The following ADGRV1 variants were observed in gnomAD, a reference collection of about 807,000 sequenced individuals.
ADGRV1 encodes the protein G-protein coupled receptor 98.
A neutral mutation model predicts 596.2 loss-of-function variants in ADGRV1; 359 were observed. The ratio of observed to expected loss-of-function variants is 0.60; its 90% CI spans 0.55 to 0.66. ADGRV1 has a LOEUF of 0.66. ADGRV1 is among the 30% of genes least tolerant of loss of function. ADGRV1 has a pLI of 0.00. For synonymous variants in ADGRV1, 2,681 were observed against 2,679.2 expected, an observed-to-expected ratio of 1.00 and a Z score of -0.02; for missense variants, 7,274 against 7,575.6, an observed-to-expected ratio of 0.96 and a Z score of 1.48.
chr5:90,929,780 T>G (rs1775037402), intron 83 of ADGRV1: 2 of 152,368 alleles, frequency 1.3e-5, no homozygotes, highest in Middle Eastern at 3.4e-3. Flanking sequence ...ATCATATTAG[T>G]TGGTACAGTA....
chr5:90,822,782 G>A (rs560122976), intron 75 of ADGRV1, among the ~76,000 whole-genome samples: 1 of 152,232 alleles, frequency 6.6e-6, no homozygotes, highest in South Asian at 2.1e-4. Flanking sequence ...TCTTCCACTT[G>A]TTTGTATCCT....
At chr5:91,061,976 G>A (rs188532233) in intron 85 of ADGRV1, among the ~76,000 whole-genome samples, 41 of 152,252 alleles carry the variant, frequency 2.7e-4, no homozygotes, top group African/African-American at 9.1e-4. Flanking sequence ...AAGTTGAAGG[G>A]GGGTGGGAGT....
chr5:90,666,979 C>T (rs563485650), intron 21 of ADGRV1, among the ~76,000 whole-genome samples: 15 of 152,180 alleles, frequency 9.9e-5, no homozygotes, highest in East Asian at 3.9e-4. Flanking sequence ...CCAAGAGATC[C>T]GTTGTTAGTC....
intron 85 of ADGRV1, among the ~76,000 whole-genome samples, chr5:91,024,003 A>ATTCT (rs1783837554): frequency 6.6e-6 from 1 of 152,130 alleles, no homozygotes; most frequent in East Asian, 1.9e-4. Context: ...AAACTTTTTA[A>ATTCT]AAGTAGTACT....
chr5:90,757,293 A>G (rs1755938196), intron 57 of ADGRV1, 132 bp downstream of exon 57: 1 of 642,754 alleles, frequency 1.6e-6, no homozygotes, highest in Non-Finnish European at 2.6e-6. Flanking sequence ...AAGTCAAACA[A>G]ATATTATTAA....
At chr5:90,982,215 T>A (rs552367075) in intron 84 of ADGRV1, among the ~76,000 whole-genome samples, 1 of 152,356 alleles carries the variant, frequency 6.6e-6, no homozygotes, top group South Asian at 2.1e-4. Flanking sequence ...AGAAGCTTGG[T>A]CATTGTTTTG....
At chr5:90,890,714 A>G (rs902005876) in intron 83 of ADGRV1, among the ~76,000 whole-genome samples, 1 of 152,198 alleles carries the variant, frequency 6.6e-6, no homozygotes, top group Non-Finnish European at 1.5e-5. Flanking sequence ...TTTCTGGGCC[A>G]CAGCATAAGG....
At chr5:90,827,656 G>A (rs1404177326) in intron 76 of ADGRV1, among the ~76,000 whole-genome samples, 2 of 152,068 alleles carry the variant, frequency 1.3e-5, no homozygotes. Flanking sequence ...TTAGTTTATT[G>A]TATTTGCCAA....
chr5:91,012,736 CTTTTA>C (rs975582042), intron 85 of ADGRV1, among the ~76,000 whole-genome samples: 21 of 151,896 alleles, frequency 1.4e-4, no homozygotes, highest in East Asian at 3.9e-4. Flanking sequence ...CCTTTTTAAA[CTTTTA>C]TTTTAGGTTC....
At chr5:91,048,069 C>A (rs1214514853) in intron 85 of ADGRV1, among the ~76,000 whole-genome samples, 1 of 151,950 alleles carries the variant, frequency 6.6e-6, no homozygotes, top group African/African-American at 2.4e-5. Flanking sequence ...TTTTCCCTGC[C>A]TCTTTACACT....
At chr5:90,776,311 T>G (rs1418965447) in intron 60 of ADGRV1, 142 bp from the exon 61 acceptor site, 11 of 793,038 alleles carry the variant, frequency 1.4e-5, no homozygotes, top group Non-Finnish European at 2.1e-5. Flanking sequence ...ATAGGTAAAA[T>G]GAGGATATTA....
chr5:91,158,960 C>T (rs531496990), intron 89 of ADGRV1, among the ~76,000 whole-genome samples: 2 of 152,180 alleles, frequency 1.3e-5, no homozygotes, highest in South Asian at 4.2e-4. Context: ...GATACTATCT[C>T]CTGTGCCCTT....
chr5:90,627,150 T>C (rs1296849127), intron 6 of ADGRV1, 61 bp from the exon 7 acceptor site: 2 of 873,160 alleles, frequency 2.3e-6, no homozygotes, highest in African/African-American at 3.4e-5. Context: ...TGTTACACTT[T>C]AGTTTATTTG....
At chr5:90,726,662 T>C (rs979405441) in intron 48 of ADGRV1, among the ~76,000 whole-genome samples, 18 of 151,764 alleles carry the variant, frequency 1.2e-4, no homozygotes, top group African/African-American at 4.4e-4. Context: ...TATGTGTGTG[T>C]GTGTGTGTGT....
At position 90,784,069 on chromosome 5, in the gene ADGRV1, T is replaced by C. The variant is rs1468681352; in HGVS notation, c.13653+12T>C. ...TGGGAGAGATTCAGGTAGATTTATG[T>C]TCCCCATGACTTTAAATATAATTTT... On this transcript the variant is annotated intron_variant, in intron 67 of 89. Coordinates refer to ENST00000405460, the MANE Select transcript of ADGRV1 (RefSeq NM_032119.4). The C allele has an allele frequency of 6.4e-7, 1 of 1,559,668 alleles. No homozygotes were observed. Among genetic ancestry groups the C allele is most frequent in the East Asian group, 2.2e-5 (1 of 44,486 alleles).
chr5:90,944,936 T>A (rs1170735792), intron 83 of ADGRV1, among the ~76,000 whole-genome samples: 1 of 152,204 alleles, frequency 6.6e-6, no homozygotes, highest in Non-Finnish European at 1.5e-5. Context: ...AATATTTACT[T>A]TTTAAAATTA....
At chr5:90,895,280 A>G (rs148562614) in intron 83 of ADGRV1, among the ~76,000 whole-genome samples, 1 of 152,276 alleles carries the variant, frequency 6.6e-6, no homozygotes, top group Non-Finnish European at 1.5e-5. Flanking sequence ...GGCATTTGAG[A>G]CAGAATGAAG....
chr5:90,784,180 G>A, intron 67 of ADGRV1, 123 bp downstream of exon 67: 1 of 670,920 alleles, frequency 1.5e-6, no homozygotes, highest in Non-Finnish European at 2.5e-6. Context: ...TAATTATCTT[G>A]TATGTGTACA....
At chr5:90,875,281 A>G (rs1215848933) in intron 83 of ADGRV1, among the ~76,000 whole-genome samples, 1 of 152,250 alleles carries the variant, frequency 6.6e-6, no homozygotes, top group Non-Finnish European at 1.5e-5. Context: ...TTGTATTATA[A>G]TTCTTGGTTT....
Sources: gnomAD v4.1 joint callset for allele counts (sites outside exome capture counted in the v4.1 genomes callset) on GRCh38, gnomAD v4.1.1 for gene constraint, MANE v1.5 for transcripts, NCBI Gene and HGNC (gene_info 2026-07-23, HGNC 2026-07-21) for gene names.